The following JAZF1 variants were observed in gnomAD, a reference collection of about 807,000 sequenced individuals.
The protein encoded by JAZF1 is juxtaposed with another zinc finger protein 1.
JAZF1 carries 8 observed loss-of-function variants against 26.4 expected under a neutral mutation model. The observed-to-expected ratio is 0.30, with a 90% CI of 0.18 to 0.55. The LOEUF is 0.55. Ranked by LOEUF, JAZF1 falls within the 20% of genes least tolerant of loss-of-function variation. The probability of loss-of-function intolerance (pLI) is 0.94; values close to 1 mark genes in which losing one functional copy is unlikely to be tolerated. For missense variants in JAZF1, 199 were observed against 322.0 expected, an observed-to-expected ratio of 0.62 and a Z score of 2.92; for synonymous variants, 126 against 122.3, an observed-to-expected ratio of 1.03 and a Z score of -0.20.
intron 1 of JAZF1, among the ~76,000 whole-genome samples, chr7:28,143,644 G>C (rs1378299538): frequency 1.3e-5 from 2 of 152,216 alleles, no homozygotes; most frequent in Non-Finnish European, 1.5e-5. Context: ...TGATCAAAGA[G>C]ACGGATGGAC....
At chr7:27,901,349 GTTCA>G (rs1784157649) in intron 2 of JAZF1, among the ~76,000 whole-genome samples, 1 of 152,110 alleles carries the variant, frequency 6.6e-6, no homozygotes, top group Non-Finnish European at 1.5e-5. Flanking sequence ...AGACCACAAT[GTTCA>G]TTCAGTCTGA....
chr7:28,151,658 CG>C (rs1783113486), intron 1 of JAZF1, among the ~76,000 whole-genome samples: 1 of 151,492 alleles, frequency 6.6e-6, no homozygotes, highest in South Asian at 2.1e-4. Context: ...CAAAGTTAGC[CG>C]GGCATGATGG....
chr7:27,841,892 A>T (rs1275100831), intron 3 of JAZF1: 1 of 152,214 alleles, frequency 6.6e-6, no homozygotes, highest in Non-Finnish European at 1.5e-5. Context: ...CCGTGGAATA[A>T]ATAGGAATTA....
intron 3 of JAZF1, among the ~76,000 whole-genome samples, chr7:27,846,965 CTGTTTT>C (rs893235811): frequency 1.5e-5 from 2 of 134,608 alleles, no homozygotes; most frequent in Non-Finnish European, 3.4e-5. Flanking sequence ...GTAGCCTTAT[CTGTTTT>C]TATTTTTATT....
intron 2 of JAZF1, among the ~76,000 whole-genome samples, chr7:27,930,478 G>T (rs1354139543): frequency 6.6e-6 from 1 of 152,110 alleles, no homozygotes; most frequent in African/African-American, 2.4e-5. Context: ...TTCCAACCTT[G>T]TCCTTTTCTC....
chr7:28,036,984 C>T (rs1366703289), intron 1 of JAZF1, among the ~76,000 whole-genome samples: 1 of 152,124 alleles, frequency 6.6e-6, no homozygotes, highest in Non-Finnish European at 1.5e-5. Context: ...AGTTCAGTGG[C>T]CCAGTTTACT....
At chr7:28,177,280 G>A (rs941172983) in intron 1 of JAZF1, among the ~76,000 whole-genome samples, 2 of 152,126 alleles carry the variant, frequency 1.3e-5, no homozygotes, top group African/African-American at 2.4e-5. Flanking sequence ...AGTGGGTGGT[G>A]AAAATCACAC....
intron 2 of JAZF1, among the ~76,000 whole-genome samples, chr7:27,938,040 C>G (rs549497719): frequency 1.3e-4 from 20 of 152,336 alleles, no homozygotes; most frequent in African/African-American, 4.1e-4. Flanking sequence ...GATGGATACA[C>G]TCAATTTACT....
intron 1 of JAZF1, among the ~76,000 whole-genome samples, chr7:28,051,274 G>A (rs948266727): frequency 6.6e-6 from 1 of 151,532 alleles, no homozygotes; most frequent in African/African-American, 2.4e-5. Context: ...TTGCCAGGGT[G>A]GAGTGCAGTG....
chr7:27,858,279 T>A (rs1455926356), intron 3 of JAZF1, among the ~76,000 whole-genome samples: 1 of 152,168 alleles, frequency 6.6e-6, no homozygotes, highest in East Asian at 1.9e-4. Context: ...ATAGGAAGAA[T>A]CAATATCGTG....
intron 1 of JAZF1, among the ~76,000 whole-genome samples, chr7:28,122,733 C>G (rs1328346253): frequency 6.6e-6 from 1 of 152,040 alleles, no homozygotes; most frequent in African/African-American, 2.4e-5. Flanking sequence ...AGCAGGGACG[C>G]AGCACTCATG....
chr7:27,929,476 A>G (rs556945006), intron 2 of JAZF1, among the ~76,000 whole-genome samples: 21 of 152,340 alleles, frequency 1.4e-4, no homozygotes, highest in African/African-American at 4.1e-4. Flanking sequence ...TATAAGAACC[A>G]CTTTTACTAA....
chr7:27,998,939 T>C (rs1786077014), intron 1 of JAZF1, among the ~76,000 whole-genome samples: 1 of 152,220 alleles, frequency 6.6e-6, no homozygotes. Context: ...ATCCAGCTTG[T>C]AGAATCATCA....
At chr7:28,062,434 T>C (rs1783815183) in intron 1 of JAZF1, among the ~76,000 whole-genome samples, 1 of 152,110 alleles carries the variant, frequency 6.6e-6, no homozygotes, top group Non-Finnish European at 1.5e-5. Flanking sequence ...GCTCCAGTCT[T>C]GTGTGCAGAG....
chr7:28,057,178 C>CAAA (rs549167692), intron 1 of JAZF1, among the ~76,000 whole-genome samples: 266 of 152,218 alleles, frequency 1.7e-3, no homozygotes, highest in African/African-American at 6.1e-3. Flanking sequence ...TACCTTTAAC[C>CAAA]CACGCCTTAG....
intron 2 of JAZF1, among the ~76,000 whole-genome samples, chr7:27,919,487 T>A (rs961009441): frequency 2.0e-5 from 3 of 152,212 alleles, no homozygotes; most frequent in Non-Finnish European, 4.4e-5. Context: ...ATGTCTACAA[T>A]GCCTTAAAGC....
intron 1 of JAZF1, among the ~76,000 whole-genome samples, chr7:27,999,401 T>A (rs570947220): frequency 1.3e-5 from 2 of 152,152 alleles, no homozygotes; most frequent in Non-Finnish European, 2.9e-5. Flanking sequence ...AGAAGGTATC[T>A]GGAAGAGAAG....
intron 3 of JAZF1, among the ~76,000 whole-genome samples, chr7:27,883,948 T>G (rs183953205): frequency 2.8e-4 from 43 of 152,304 alleles, no homozygotes; most frequent in Non-Finnish European, 1.6e-4. Context: ...AACAGGAAAT[T>G]CCAGAGATTT....
chr7:27,954,973 G>T (rs1181984867), intron 2 of JAZF1, among the ~76,000 whole-genome samples: 1 of 152,102 alleles, frequency 6.6e-6, no homozygotes, highest in Non-Finnish European at 1.5e-5. Context: ...GGTCAAGCTG[G>T]TCTCGTACTC....
Sources: gnomAD v4.1 joint callset for allele counts (sites outside exome capture counted in the v4.1 genomes callset) on GRCh38, gnomAD v4.1.1 for gene constraint, MANE v1.5 for transcripts, NCBI Gene and HGNC (gene_info 2026-07-23, HGNC 2026-07-21) for gene names.